TBXAS1: variants seen among roughly 807,000 people sequenced by gnomAD.
TBXAS1 encodes thromboxane A synthase 1, also known as thromboxane-A synthase.
Under a neutral mutation model 60.7 loss-of-function variants are expected in TBXAS1, and 48 were observed. That is an observed-to-expected ratio of 0.79 (90% CI 0.63 to 1.01). The LOEUF is 1.01. Ranked by LOEUF, TBXAS1 falls within the 50% of genes least tolerant of loss-of-function variation. TBXAS1 has a pLI of 0.00. For missense variants in TBXAS1, 685 were observed against 686.3 expected, an observed-to-expected ratio of 1.00 and a Z score of 0.02; for synonymous variants, 287 against 269.7, an observed-to-expected ratio of 1.06 and a Z score of -0.63.
chr7:139,996,967 T>C (rs1405788678), intron 9 of TBXAS1, among the ~76,000 whole-genome samples: 1 of 152,204 alleles, frequency 6.6e-6, no homozygotes, highest in Non-Finnish European at 1.5e-5. Flanking sequence ...TATTGACCTA[T>C]TTCCCAACTC....
rs200599511 is a variant in TBXAS1, at chr7:139,973,803, A to AT, written c.1134+11579dup. Among the ~76,000 whole-genome samples the AT allele has an allele frequency of 3.9e-3, 585 of 151,108 alleles. 2 individuals carry two copies. Among genetic ancestry groups the AT allele is most frequent in the African/African-American group, 0.013 (547 of 41,144 alleles). ...TCCTGTTTCTCACTCACTTAATTTG[A>AT]TTTTTTTTTCTTTTGGTCGCACAAG... On this transcript the variant is annotated intron_variant, in intron 9 of 12. Coordinates refer to ENST00000448866, the MANE Select transcript of TBXAS1 (RefSeq NM_001061.7).
chr7:139,897,334 G>A (rs1804188641), intron 3 of TBXAS1, among the ~76,000 whole-genome samples: 1 of 151,796 alleles, frequency 6.6e-6, no homozygotes, highest in African/African-American at 2.4e-5. Context: ...CTTGGCGGTG[G>A]GGTGGGGAGG....
chr7:139,991,141 C>T (rs574988663), intron 9 of TBXAS1, among the ~76,000 whole-genome samples: 63 of 152,152 alleles, frequency 4.1e-4, no homozygotes, highest in Admixed American at 1.4e-3. Context: ...CTAAATGGCA[C>T]GGCTGTGATG....
intron 3 of TBXAS1, among the ~76,000 whole-genome samples, chr7:139,783,784 C>T (rs1027033937): frequency 6.6e-6 from 1 of 152,204 alleles, no homozygotes; most frequent in Admixed American, 6.5e-5. Context: ...TATCTGGCAA[C>T]CCCTGGAGGG....
At chr7:139,786,219 G>C (rs1797191242) in intron 3 of TBXAS1, among the ~76,000 whole-genome samples, 1 of 151,570 alleles carries the variant, frequency 6.6e-6, no homozygotes, top group African/African-American at 2.4e-5. Context: ...CTCATCTATA[G>C]AGTGAGATAA....
In TBXAS1 at chr7:139,969,023, A is replaced by T. The variant is rs10261585; in HGVS notation, c.1134+6790A>T. Among the ~76,000 whole-genome samples the T allele has an allele frequency of 5.0e-3, 765 of 152,282 alleles. 6 individuals are homozygous for T. Among genetic ancestry groups the T allele is most frequent in the African/African-American group, 0.018 (735 of 41,566 alleles). ...TCTATAGCTTTAGTGTTCTATGTTG[A>T]AATTATTGACTTTTGATCTGGCTAA... On this transcript the variant is annotated intron_variant, in intron 9 of 12. Transcript: ENST00000448866.
chr7:139,956,127 ATTTAT>A (rs977560161), intron 7 of TBXAS1, among the ~76,000 whole-genome samples: 19 of 151,942 alleles, frequency 1.3e-4, no homozygotes, highest in Non-Finnish European at 2.6e-4. Flanking sequence ...GGACCAGTCT[ATTTAT>A]TTTATTTTAT....
At chr7:139,965,888 ATT>A (rs570672163) in intron 9 of TBXAS1, among the ~76,000 whole-genome samples, 3 of 138,988 alleles carry the variant, frequency 2.2e-5, no homozygotes, top group African/African-American at 2.6e-5. Context: ...TATTTTTTTA[ATT>A]TTTTTTTTTT....
At chr7:140,012,754 C>G (rs1814721874) in intron 10 of TBXAS1, among the ~76,000 whole-genome samples, 1 of 152,312 alleles carries the variant, frequency 6.6e-6, no homozygotes, top group African/African-American at 2.4e-5. Flanking sequence ...CCACCACACA[C>G]CCGGCCATGA....
chr7:140,004,038 C>G lies in TBXAS1; in HGVS notation c.1135-3053C>G. 6.6e-6 allele frequency among the ~76,000 whole-genome samples: 1 copy of G among 152,224 alleles called. No homozygotes were observed. Among genetic ancestry groups the G allele is most frequent in the South Asian group, 2.1e-4 (1 of 4,834 alleles). On this transcript the variant is annotated intron_variant, in intron 9 of 12. Coordinates refer to ENST00000448866, the MANE Select transcript of TBXAS1 (RefSeq NM_001061.7). The surrounding 1 kb of genome is among the most constrained non-coding windows in gnomAD (Gnocchi z 5.1). ...CTTTCTTGAGGCCAACTGCTGTTTT[C>G]TGCTCATTAATCCACAAGGCCGAAT... is the stretch of plus-strand genomic sequence containing the variant.
At position 139,961,968 on chromosome 7, in the gene TBXAS1, G is replaced by C; in HGVS notation, c.869G>C (p.Ser290Thr). ...GTCCTGGATGCCCGACATTCTGCAA[G>C]TCCCATGGGCGTGCAAGACTTTGAC... Reference protein sequence around the residue: ...QMVLDARHSASPMGVQDFDIV... With the variant: ...QMVLDARHSATPMGVQDFDIV... Residue 290 changes from serine to threonine, a missense_variant, in exon 9 of 13, where the codon AGT (serine) becomes ACT (threonine). By Grantham distance (58) the Ser-to-Thr change is moderately conservative. Transcript: ENST00000448866. 6.2e-7 allele frequency: 1 copy of C among 1,614,254 alleles called. No individual in the cohort carries two copies. The highest frequency in any genetic ancestry group is 2.2e-5 in the East Asian group (1 of 44,894).
At chr7:139,962,571 T>C in intron 9 of TBXAS1, 1 of 343,290 alleles carries the variant, frequency 2.9e-6, no homozygotes, top group Non-Finnish European at 5.6e-6. Flanking sequence ...TCCCAATATC[T>C]GACTTGGAGC....
Position 140,013,040 on chromosome 7 carries a change from G to A in TBXAS1, c.1227-2683G>A, listed in dbSNP as rs772221567. Among the ~76,000 whole-genome samples, 28 of 149,428 alleles carry A rather than the reference G, an allele frequency of 1.9e-4. No individual in the cohort carries two copies. The highest frequency in any genetic ancestry group is 1.5e-3 in the Admixed American group (23 of 14,890). On this transcript the variant is annotated intron_variant, in intron 10 of 12. Coordinates refer to ENST00000448866, the MANE Select transcript of TBXAS1 (RefSeq NM_001061.7). This position sits in a 1 kb window ranked among gnomAD's most constrained non-coding sequence, Gnocchi z 4.2. ...TGGGCAAGATGAGTGAGCTGAGATC[G>A]CGCCACTGCACTCCAGCCTGGGCAA...
chr7:139,804,704 G>A (rs1161453829), intron 4 of TBXAS1, among the ~76,000 whole-genome samples: 1 of 152,170 alleles, frequency 6.6e-6, no homozygotes, highest in East Asian at 1.9e-4. Context: ...CATGAGATAT[G>A]ATGGTTCTAT....
intron 9 of TBXAS1, among the ~76,000 whole-genome samples, chr7:139,985,562 A>C (rs1812387556): frequency 6.6e-6 from 1 of 152,252 alleles, no homozygotes; most frequent in Admixed American, 6.5e-5. Context: ...TATAAAATAC[A>C]CTGGATGAAA....
chr7:139,869,352 T>C (rs1316474955), intron 1 of TBXAS1, among the ~76,000 whole-genome samples: 2 of 152,012 alleles, frequency 1.3e-5, no homozygotes, highest in Non-Finnish European at 2.9e-5. Flanking sequence ...ACACCAGTCA[T>C]ATTGGATTGA....
At chr7:139,917,047 G>GGGC (rs1584848857) in intron 4 of TBXAS1, among the ~76,000 whole-genome samples, 1 of 152,352 alleles carries the variant, frequency 6.6e-6, no homozygotes, top group South Asian at 2.1e-4. Context: ...TTACTTGTGA[G>GGGC]AGTGGTTGCC....
chr7:139,828,785 C>T (rs1392587311), upstream of TBXAS1, among the ~76,000 whole-genome samples: 1 of 152,184 alleles, frequency 6.6e-6, no homozygotes, highest in African/African-American at 2.4e-5. Context: ...CTCCAACAGC[C>T]AGACACTCAG....
intron 4 of TBXAS1, among the ~76,000 whole-genome samples, chr7:139,792,353 T>A (rs1797414483): frequency 6.6e-6 from 1 of 152,134 alleles, no homozygotes; most frequent in African/African-American, 2.4e-5. Flanking sequence ...TCATCCAATA[T>A]CCACCCCTTC....
Sources: gnomAD v4.1 joint callset for allele counts (sites outside exome capture counted in the v4.1 genomes callset) on GRCh38, gnomAD v4.1.1 for gene constraint, Gnocchi (gnomAD v3.1) non-coding constraint, MANE v1.5 for transcripts, NCBI Gene and HGNC (gene_info 2026-07-23, HGNC 2026-07-21) for gene names.